Variants in SBDS observed in about 807,000 individuals in gnomAD.
SBDS encodes SBDS ribosome maturation factor.
A neutral mutation model predicts 26.4 loss-of-function variants in SBDS; 20 were observed. That is an observed-to-expected ratio of 0.76 (90% CI 0.53 to 1.10). The LOEUF is 1.10. Ranked by LOEUF, SBDS falls within the 50% of genes least tolerant of loss-of-function variation. The probability of loss-of-function intolerance (pLI) is 0.00; values close to 1 mark genes in which losing one functional copy is unlikely to be tolerated. For missense variants in SBDS, 241 were observed against 302.0 expected, an observed-to-expected ratio of 0.80 and a Z score of 1.50; for synonymous variants, 95 against 105.1, an observed-to-expected ratio of 0.90 and a Z score of 0.59.
At chr7:66,993,615 T>A (rs1438668666) in intron 2 of SBDS, among the ~76,000 whole-genome samples, 198 bp from the exon 3 acceptor site, 1 of 152,144 alleles carries the variant, frequency 6.6e-6, no homozygotes, top group Admixed American at 6.6e-5. Flanking sequence ...GGCTCACATC[T>A]GTAATCCCAG....
At chr7:66,990,964 C>G (rs1792963331) in intron 4 of SBDS, 173 bp downstream of exon 4, 9 of 557,094 alleles carry the variant, frequency 1.6e-5, no homozygotes, top group Non-Finnish European at 2.8e-5. Flanking sequence ...TTGCAGTGAG[C>G]TGAGATAGCA....
chr7:66,995,219 G>C, intron 1 of SBDS, 71 bp downstream of exon 1: 1 of 1,603,970 alleles, frequency 6.2e-7, no homozygotes, highest in Non-Finnish European at 8.5e-7. Flanking sequence ...CACTCGACTT[G>C]GGCAGAGACA....
chr7:66,992,158 G>A (rs1584436045), intron 3 of SBDS, among the ~76,000 whole-genome samples: 1 of 152,184 alleles, frequency 6.6e-6, no homozygotes, highest in African/African-American at 2.4e-5. Context: ...TCCGTACAGT[G>A]GGCTATTATT....
rs1562955460 is a variant in SBDS, at chr7:66,994,355, G to A, written c.129-14C>T. 4.3e-6 allele frequency: 7 copies of A among 1,612,290 alleles called. No individual in the cohort carries two copies. The highest frequency in any genetic ancestry group is 1.6e-4 in the Middle Eastern group (1 of 6,078). On this transcript the variant is annotated splice_polypyrimidine_tract_variant and intron_variant, in intron 1 of 4. Transcript: ENST00000246868. ...AGGTCTTTTTCCCTTGTGAGGGCAG[G>A]AGAGAAAGTCCTATGTGAATATACT...
At chr7:66,993,963 C>T (rs962082475) in intron 2 of SBDS, among the ~76,000 whole-genome samples, 4 of 131,852 alleles carry the variant, frequency 3.0e-5, no homozygotes, top group African/African-American at 1.1e-4. Flanking sequence ...ATAAATGGGG[C>T]AATTTATAGA....
intron 1 of SBDS, 148 bp from the exon 2 acceptor site, chr7:66,994,489 T>C (rs1793049599): frequency 1.4e-6 from 1 of 705,848 alleles, no homozygotes; most frequent in Non-Finnish European, 2.4e-6. Context: ...GTTTTCTTTT[T>C]CTTACCCCCC....
intron 2 of SBDS, 75 bp downstream of exon 2, chr7:66,994,137 C>G: frequency 4.1e-6 from 6 of 1,453,684 alleles, no homozygotes; most frequent in South Asian, 1.1e-5. Flanking sequence ...AGAAAAACAG[C>G]CTTTAATGTT....
chr7:66,993,035 G>C (rs1399312405), intron 3 of SBDS, among the ~76,000 whole-genome samples, 182 bp downstream of exon 3: 1 of 151,908 alleles, frequency 6.6e-6, no homozygotes, highest in Non-Finnish European at 1.5e-5. Flanking sequence ...TTTAGAGATG[G>C]GGCGTCCCTA....
chr7:66,993,424 A>T lies in SBDS; in HGVS notation c.259-7T>A. 1 of 1,608,968 alleles carries T rather than the reference A, an allele frequency of 6.2e-7. No individual in the cohort carries two copies. On this transcript the variant is annotated splice_polypyrimidine_tract_variant and splice_region_variant and intron_variant, in intron 2 of 4. Coordinates refer to ENST00000246868, the MANE Select transcript of SBDS (RefSeq NM_016038.4). Reference sequence around the variant, plus strand: ...CTTCTCCTTTAGTCAAAATCTAAAAAAATGCCAACACATTTAAGAAATCAC... The same window carrying T: ...CTTCTCCTTTAGTCAAAATCTAAAATAATGCCAACACATTTAAGAAATCAC...
Position 66,993,609 on chromosome 7 carries a change from C to G in SBDS, c.259-192G>C, listed in dbSNP as rs527653628. Among the ~76,000 whole-genome samples the G allele has an allele frequency of 2.0e-5, 3 of 152,162 alleles. No homozygotes were observed. In the East Asian group the frequency reaches 5.8e-4, roughly 29 times the overall value. On this transcript the variant is annotated intron_variant, in intron 2 of 4. Coordinates refer to ENST00000246868, the MANE Select transcript of SBDS (RefSeq NM_016038.4). The stretch of plus-strand genomic sequence containing the variant: ...AATCTTTTGGCTGGGCTCAGTGGCT[C>G]ACATCTGTAATCCCAGCACTTTGGG...
chr7:66,993,499 A>G lies in SBDS; in HGVS notation c.259-82T>C, dbSNP rs1477420092. On this transcript the variant is annotated intron_variant, in intron 2 of 4. Coordinates refer to ENST00000246868, the MANE Select transcript of SBDS (RefSeq NM_016038.4). ...TATTAACTAACCATAAAAAATGAGT[A>G]ACTGGATGGAGAGAAAATTAAATTT... is the stretch of plus-strand genomic sequence containing the variant. 2.5e-5 allele frequency: 27 copies of G among 1,077,758 alleles called. No homozygotes were observed. In the East Asian group the frequency reaches 6.4e-4, roughly 26 times the overall value. The allele number at this position is 1,077,758 out of a possible 1,614,324, so 66.8% of individuals were successfully genotyped here.
Position 66,989,337 on chromosome 7 carries a change from G to A in SBDS, c.625-838C>T, listed in dbSNP as rs181122769. Among the ~76,000 whole-genome samples the A allele has an allele frequency of 6.7e-3, 1,018 of 151,488 alleles. 13 individuals are homozygous for A. The highest frequency in any genetic ancestry group is 0.024 in the African/African-American group (979 of 41,338). Reference sequence around the variant, plus strand: ...GAGGCGGGTGGATCACCTGAGGTCGGGAGTTCGAGACCAGCCTGACCAACA... The same window carrying A: ...GAGGCGGGTGGATCACCTGAGGTCGAGAGTTCGAGACCAGCCTGACCAACA... On this transcript the variant is annotated intron_variant, in intron 4 of 4. Coordinates refer to ENST00000246868, the MANE Select transcript of SBDS (RefSeq NM_016038.4).
rs1378465248 is a variant in SBDS, at chr7:66,988,400, C to T, written c.724G>A (p.Val242Ile). 2.5e-6 allele frequency: 4 copies of T among 1,613,650 alleles called. No homozygotes were observed. In the Admixed American group the frequency reaches 6.7e-5, roughly 27 times the overall value. Reference sequence around the variant, plus strand: ...TCAAATTTCTCATCTCCTTCTTCTACATCTTTCAGATTGAGTACTTCCAAA... The same window carrying T: ...TCAAATTTCTCATCTCCTTCTTCTATATCTTTCAGATTGAGTACTTCCAAA... Reference protein sequence around the residue: ...GSLEVLNLKDVEEGDEKFE With the variant: ...GSLEVLNLKDIEEGDEKFE Residue 242 changes from valine (V) to isoleucine (I), a missense_variant, in exon 5 of 5, where the codon GTA (valine) becomes ATA (isoleucine). Physicochemically the swap from Val to Ile is conservative, Grantham distance 29. Coordinates refer to ENST00000246868, the MANE Select transcript of SBDS (RefSeq NM_016038.4).
chr7:66,991,616 C>T (rs1389724318), intron 3 of SBDS, among the ~76,000 whole-genome samples: 1 of 151,936 alleles, frequency 6.6e-6, no homozygotes, highest in Non-Finnish European at 1.5e-5. Flanking sequence ...CATGGTGAAA[C>T]CCCGTCTCCA....
chr7:66,993,650 T>G (rs902095161), intron 2 of SBDS, among the ~76,000 whole-genome samples: 1 of 151,986 alleles, frequency 6.6e-6, no homozygotes, highest in African/African-American at 2.4e-5. Flanking sequence ...AAGGCGGGCA[T>G]ATCACCCAAG....
intron 3 of SBDS, among the ~76,000 whole-genome samples, chr7:66,993,006 C>G (rs1250619033): frequency 8.6e-6 from 1 of 115,758 alleles, no homozygotes; most frequent in Non-Finnish European, 1.8e-5. Context: ...GACTCTGTCT[C>G]AAAAAAAAAA....
chr7:66,995,305 C>T lies in SBDS; in HGVS notation c.113G>A (p.Gly38Asp). 1 of 1,613,982 alleles carries T rather than the reference C, an allele frequency of 6.2e-7. No individual in the cohort carries two copies. Among genetic ancestry groups the T allele is most frequent in the Non-Finnish European group, 8.5e-7 (1 of 1,179,998 alleles). ...EIACYKNKVV[G>D]WRSGVEKDLD... ...GGCTACTCACACGCCGCTCCGCCAG[C>T]CGACGACCTTGTTTTTGTAGCAGGC... The change falls in exon 1 of 5, where the codon GGC becomes GAC. Residue 38 changes from glycine to aspartate, a missense_variant. By Grantham distance (94) the Gly-to-Asp change is moderately conservative (BLOSUM62 -1). Coordinates refer to ENST00000246868, the MANE Select transcript of SBDS (RefSeq NM_016038.4).
intron 1 of SBDS, 67 bp downstream of exon 1, chr7:66,995,223 A>G (rs1253608794): frequency 1.2e-6 from 2 of 1,608,120 alleles, no homozygotes; most frequent in African/African-American, 2.7e-5. Flanking sequence ...CGACTTGGGC[A>G]GAGACAGGCC....
In SBDS at chr7:66,993,426, A is replaced by G. The variant is rs200366150; in HGVS notation, c.259-9T>C. 46 of 1,605,920 alleles carry G rather than the reference A, an allele frequency of 2.9e-5. No individual in the cohort carries two copies. The highest frequency in any genetic ancestry group is 9.4e-6 in the Non-Finnish European group (11 of 1,172,938). On this transcript the variant is annotated splice_polypyrimidine_tract_variant and intron_variant, in intron 2 of 4. Transcript: ENST00000246868. ...TCTCCTTTAGTCAAAATCTAAAAAA[A>G]TGCCAACACATTTAAGAAATCACTA...
Sources: allele counts gnomAD v4.1 joint callset (sites outside exome capture counted in the v4.1 genomes callset), GRCh38; gene constraint gnomAD v4.1.1; transcripts MANE v1.5; gene names NCBI Gene and HGNC (gene_info 2026-07-23, HGNC 2026-07-21).